Variants in CBLB observed in about 807,000 individuals in gnomAD.
CBLB encodes the protein E3 ubiquitin-protein ligase CBL-B.
A neutral mutation model predicts 104.9 loss-of-function variants in CBLB; 31 were observed. The ratio of observed to expected loss-of-function variants is 0.30; its 90% CI spans 0.22 to 0.40. The LOEUF is 0.40. CBLB is among the 10% of genes least tolerant of loss of function. The pLI is 1.00. For synonymous variants in CBLB, 440 were observed against 422.6 expected, an observed-to-expected ratio of 1.04 and a Z score of -0.51; for missense variants, 1,062 against 1,214.6, an observed-to-expected ratio of 0.87 and a Z score of 1.87.
At chr3:105,700,999 A>C (rs1323402208) in intron 12 of CBLB, among the ~76,000 whole-genome samples, 2 of 152,218 alleles carry the variant, frequency 1.3e-5, no homozygotes, top group Non-Finnish European at 2.9e-5. Flanking sequence ...AGATCACTTT[A>C]ATATTATAGT....
rs2063330617 is a variant in CBLB at position 105,656,193 on chromosome 3, A to G, written c.*2777T>C. On this transcript the variant is annotated 3_prime_UTR_variant, in exon 19 of 19. Coordinates refer to ENST00000394030, the MANE Select transcript of CBLB (RefSeq NM_170662.5). ...TGAGGATAAGTCCTTCTATCTCCAG[A>G]ACATGTTTGGGTTGGGTGAGAAGGG... is the stretch of plus-strand genomic sequence containing the variant. 2 of 218,680 alleles carry G rather than the reference A, an allele frequency of 9.1e-6. No individual in the cohort carries two copies. Among genetic ancestry groups the G allele is most frequent in the African/African-American group, 4.5e-5 (2 of 44,572 alleles). The allele number at this position is 218,680 out of a possible 1,614,324, so 13.5% of individuals were successfully genotyped here. A position where few individuals can be genotyped will look rare whatever the true frequency, so the allele number is the denominator to read the frequency against.
chr3:105,791,169 T>C (rs2081591855), intron 3 of CBLB, among the ~76,000 whole-genome samples: 1 of 152,200 alleles, frequency 6.6e-6, no homozygotes, highest in Non-Finnish European at 1.5e-5. Context: ...TTATGAAATA[T>C]AATCTAGATT....
At chr3:105,706,445 C>T (rs1441186870) in intron 10 of CBLB, among the ~76,000 whole-genome samples, 1 of 152,066 alleles carries the variant, frequency 6.6e-6, no homozygotes, top group East Asian at 1.9e-4. Context: ...TTGAGTACAG[C>T]CAGTGATTCT....
chr3:105,786,627 T>C (rs2152987275), intron 3 of CBLB, among the ~76,000 whole-genome samples: 1 of 152,356 alleles, frequency 6.6e-6, no homozygotes, highest in South Asian at 2.1e-4. Context: ...TCTAATTTCA[T>C]ATCTTTAAAA....
chr3:105,793,724 T>A (rs557074343), intron 3 of CBLB, among the ~76,000 whole-genome samples: 1 of 152,280 alleles, frequency 6.6e-6, no homozygotes, highest in Admixed American at 6.5e-5. Flanking sequence ...AAATGGGTGC[T>A]AAGGAACTCA....
intron 2 of CBLB, among the ~76,000 whole-genome samples, chr3:105,854,965 G>A (rs1371799690): frequency 6.6e-6 from 1 of 152,046 alleles, no homozygotes; most frequent in African/African-American, 2.4e-5. Context: ...ATTGGCTAAA[G>A]CCTCCTGTTG....
intron 14 of CBLB, among the ~76,000 whole-genome samples, chr3:105,683,601 CTACTT>C (rs2066602211): frequency 6.6e-6 from 1 of 152,078 alleles, no homozygotes; most frequent in Non-Finnish European, 1.5e-5. Flanking sequence ...AAAGCTCATC[CTACTT>C]TAGTTTTTAA....
chr3:105,825,395 G>A (rs571530898), intron 3 of CBLB, among the ~76,000 whole-genome samples: 3 of 152,172 alleles, frequency 2.0e-5, no homozygotes, highest in Non-Finnish European at 1.5e-5. Flanking sequence ...AGAAGAGAAG[G>A]GGGGAAAGGA....
intron 3 of CBLB, among the ~76,000 whole-genome samples, chr3:105,792,284 A>G (rs995550601): frequency 6.6e-6 from 1 of 152,190 alleles, no homozygotes; most frequent in Non-Finnish European, 1.5e-5. Flanking sequence ...GTACTTACTT[A>G]AAGATTTGTG....
chr3:105,715,833 G>C (rs558028190), intron 10 of CBLB, among the ~76,000 whole-genome samples: 7 of 152,294 alleles, frequency 4.6e-5, no homozygotes, highest in African/African-American at 1.4e-4. Flanking sequence ...GAGGTCAGGA[G>C]TTCGAGACTA....
chr3:105,733,909 A>G, intron 9 of CBLB, 100 bp downstream of exon 9: 2 of 1,089,870 alleles, frequency 1.8e-6, no homozygotes, highest in South Asian at 2.7e-5. Flanking sequence ...ATTTCAAACA[A>G]AGCACTTACC....
intron 3 of CBLB, among the ~76,000 whole-genome samples, chr3:105,850,329 T>C (rs2090786692): frequency 6.6e-6 from 1 of 152,124 alleles, no homozygotes; most frequent in African/African-American, 2.4e-5. Context: ...AGAGTTCACA[T>C]ACCTCCATAA....
At chr3:105,733,039 TA>T (rs2074490613) in intron 9 of CBLB, among the ~76,000 whole-genome samples, 1 of 152,164 alleles carries the variant, frequency 6.6e-6, no homozygotes, top group Admixed American at 6.5e-5. Flanking sequence ...AGATCCATTT[TA>T]AAAATCCCCA....
chr3:105,690,265 G>A (rs1161912471), intron 13 of CBLB, among the ~76,000 whole-genome samples: 1 of 152,156 alleles, frequency 6.6e-6, no homozygotes, highest in Admixed American at 6.5e-5. Flanking sequence ...CATATACCAA[G>A]AGTCTAAGAT....
rs74819356 is a variant in CBLB at position 105,800,624 on chromosome 3, G to A, written c.420-24082C>T. On this transcript the variant is annotated intron_variant, in intron 3 of 18. Transcript: ENST00000394030. The stretch of plus-strand genomic sequence containing the variant: ...GGTTTTGTCTGGTTACAAGCAGGTT[G>A]TTGACAATAACCTAGAATTACATAA... Among the ~76,000 whole-genome samples the A allele has an allele frequency of 3.9e-3, 596 of 152,246 alleles. 4 individuals carry two copies. The highest frequency in any genetic ancestry group is 6.0e-3 in the Non-Finnish European group (411 of 68,008).
chr3:105,845,159 G>C (rs2090067989), intron 3 of CBLB, among the ~76,000 whole-genome samples: 1 of 151,924 alleles, frequency 6.6e-6, no homozygotes, highest in Admixed American at 6.6e-5. Flanking sequence ...TGAGTCTTGT[G>C]AGTTTGCTTA....
intron 18 of CBLB, among the ~76,000 whole-genome samples, chr3:105,666,510 A>AC: frequency 6.6e-6 from 1 of 152,120 alleles, no homozygotes; most frequent in South Asian, 2.1e-4. Flanking sequence ...ACATGGTGAA[A>AC]CCCCATCTCT....
chr3:105,810,012 GAAGA>G (rs1462760128), intron 3 of CBLB, among the ~76,000 whole-genome samples: 2 of 151,972 alleles, frequency 1.3e-5, no homozygotes, highest in Admixed American at 6.6e-5. Flanking sequence ...GTAAACATCA[GAAGA>G]AAAAAAGAAA....
chr3:105,772,257 A>G (rs985386382), intron 4 of CBLB, among the ~76,000 whole-genome samples: 1 of 152,194 alleles, frequency 6.6e-6, no homozygotes, highest in African/African-American at 2.4e-5. Flanking sequence ...GCATACAAAA[A>G]CATAAATTTG....
Sources: gnomAD v4.1 joint callset for allele counts (sites outside exome capture counted in the v4.1 genomes callset) on GRCh38, gnomAD v4.1.1 for gene constraint, MANE v1.5 for transcripts, NCBI Gene and HGNC (gene_info 2026-07-23, HGNC 2026-07-21) for gene names.